The following JAK2 variants were observed in gnomAD, a reference collection of about 807,000 sequenced individuals.
The protein encoded by JAK2 is tyrosine-protein kinase JAK2.
In JAK2, 86 loss-of-function variants were observed where a neutral mutation model predicts 139.3. The observed-to-expected ratio is 0.62, with a 90% confidence interval of 0.52 to 0.74. The LOEUF (loss-of-function observed/expected upper bound fraction) is 0.74. Among genes scored for constraint, JAK2 ranks in the 30% least tolerant of loss-of-function variants. The pLI, the probability that JAK2 is intolerant of heterozygous loss-of-function variation, is 0.00. For missense variants in JAK2, 1,421 were observed against 1,360.3 expected (o/e 1.04, Z -0.70); for synonymous variants, 490 against 437.7 (o/e 1.12, Z -1.49).
chr9:5,076,789 C>T (rs1819334183), intron 14 of JAK2, among the ~76,000 whole-genome samples: 1 of 152,088 alleles, frequency 6.6e-6, no homozygotes, highest in Non-Finnish European at 1.5e-5. Flanking sequence ...GACATTTTTT[C>T]ATATCTTTGA....
At chr9:5,041,603 C>T (rs1816522853) in intron 4 of JAK2, 5 of 495,752 alleles carry the variant, frequency 1.0e-5, no homozygotes, top group Non-Finnish European at 2.0e-5. Context: ...TTGAGAAGCC[C>T]GACTGTGACT....
At chr9:5,019,237 G>A (rs1217675531) in intron 2 of JAK2, among the ~76,000 whole-genome samples, 2 of 152,040 alleles carry the variant, frequency 1.3e-5, no homozygotes, top group Non-Finnish European at 2.9e-5. Flanking sequence ...TGCAGGCTTT[G>A]TTCATTCTTT....
intron 2 of JAK2, among the ~76,000 whole-genome samples, chr9:5,010,942 C>G (rs1821663226): frequency 6.6e-6 from 1 of 152,208 alleles, no homozygotes; most frequent in Non-Finnish European, 1.5e-5. Flanking sequence ...TTCCCCCTCT[C>G]CCTACCAGTA....
Position 5,062,500 on chromosome 9 carries a change from T to TAAAAAAAAA in JAK2, c.1057-2360_1057-2352dup, listed in dbSNP as rs58424625. Among the ~76,000 whole-genome samples the TAAAAAAAAA allele has an allele frequency of 4.5e-4, 26 of 58,244 alleles. 6 individuals carry two copies. Among genetic ancestry groups the TAAAAAAAAA allele is most frequent in the African/African-American group, 2.5e-3 (24 of 9,594 alleles). 38.2% of individuals were successfully genotyped at this position (58,244 alleles called of 152,430 possible). ...AAGTTTGTCAGAAACCTTCCATTTG[T>TAAAAAAAAA]AAAAAAAAAAAAAAAAAAAAAAAAA... is the stretch of plus-strand genomic sequence containing the variant. On this transcript the variant is annotated intron_variant, in intron 8 of 24. Coordinates refer to ENST00000381652, the MANE Select transcript of JAK2 (RefSeq NM_004972.4).
chr9:5,084,640 T>C (rs1000560197), intron 19 of JAK2, among the ~76,000 whole-genome samples: 12 of 152,212 alleles, frequency 7.9e-5, no homozygotes, highest in Non-Finnish European at 1.5e-5. Context: ...TGTTTTTTGC[T>C]TTCTTCCTTT....
chr9:4,993,995 G>A (rs1820415513), intron 2 of JAK2, among the ~76,000 whole-genome samples: 1 of 152,212 alleles, frequency 6.6e-6, no homozygotes, highest in Non-Finnish European at 1.5e-5. Context: ...GTCCTGTCTA[G>A]GGTTGGTTCC....
intron 2 of JAK2, among the ~76,000 whole-genome samples, chr9:5,002,915 T>C (rs1264508099): frequency 6.6e-6 from 1 of 152,014 alleles, no homozygotes; most frequent in African/African-American, 2.4e-5. Context: ...GTGTACCGTA[T>C]GAAGTAGATA....
chr9:5,114,715 A>G (rs1313095859), intron 22 of JAK2: 1 of 383,580 alleles, frequency 2.6e-6, no homozygotes, highest in Non-Finnish European at 5.1e-6. Flanking sequence ...GCTGAATGGG[A>G]ACAGAAAAAC....
In JAK2 at chr9:5,089,525, G is replaced by A. The variant is rs191932520; in HGVS notation, c.2572-149G>A. ...TGCACTCCAACCTGGGTGACAGAGC[G>A]AGACTTCGTCTCAAAAAAAAAAAAA... On this transcript the variant is annotated intron_variant, in intron 19 of 24. Transcript: ENST00000381652. 1,145 of 350,968 alleles carry A rather than the reference G, an allele frequency of 3.3e-3. 7 individuals are homozygous for A. Among genetic ancestry groups the A allele is most frequent in the Admixed American group, 6.5e-3 (98 of 15,076 alleles). The allele number at this position is 350,968 out of a possible 1,614,324, so 21.7% of individuals were successfully genotyped here. A position where few individuals can be genotyped will look rare whatever the true frequency, so the allele number is the denominator to read the frequency against.
At chr9:5,027,588 G>C (rs1247033497) in intron 3 of JAK2, among the ~76,000 whole-genome samples, 3 of 152,156 alleles carry the variant, frequency 2.0e-5, no homozygotes, top group Admixed American at 6.5e-5. Flanking sequence ...TTTCGTGAAA[G>C]ATGTCTCTGT....
chr9:5,000,676 A>G (rs1205199260), intron 2 of JAK2, among the ~76,000 whole-genome samples: 1 of 152,254 alleles, frequency 6.6e-6, no homozygotes, highest in African/African-American at 2.4e-5. Context: ...ACATTTTTTT[A>G]GTGGAAGGTT....
rs12340770 is a variant in JAK2, at chr9:5,106,419, C to T, written c.3059+15508C>T. ...ACAACAGATGCTGGAGAAGATGTGGCGAAATAGGAACACTTTCACACTGTT... is the reference window on the plus strand; with the variant it reads ...ACAACAGATGCTGGAGAAGATGTGGTGAAATAGGAACACTTTCACACTGTT... On this transcript the variant is annotated intron_variant, in intron 22 of 24. Transcript: ENST00000381652. 1.8e-3 allele frequency among the ~76,000 whole-genome samples: 280 copies of T among 152,184 alleles called. 3 individuals are homozygous for T. The highest frequency in any genetic ancestry group is 6.4e-3 in the African/African-American group (265 of 41,526).
At chr9:5,125,551 C>T (rs1464558433) in intron 23 of JAK2, among the ~76,000 whole-genome samples, 1 of 151,428 alleles carries the variant, frequency 6.6e-6, no homozygotes, top group Non-Finnish European at 1.5e-5. Context: ...AAGTTATGAA[C>T]TATTTTAAAA....
chr9:5,079,672 G>T (rs1375696264), intron 16 of JAK2, among the ~76,000 whole-genome samples: 1 of 152,108 alleles, frequency 6.6e-6, no homozygotes, highest in Non-Finnish European at 1.5e-5. Context: ...AGGTGCAGTG[G>T]CTCATGCCTG....
At chr9:5,063,199 G>A (rs913594) in intron 8 of JAK2, among the ~76,000 whole-genome samples, 54,995 of 151,828 alleles carry the variant, frequency 0.36, 13,352 homozygotes, top group African/African-American at 0.7. Context: ...TCACATTTTC[G>A]TTCTTATATA....
chr9:5,074,246 T>G (rs1819162974), intron 14 of JAK2, among the ~76,000 whole-genome samples: 1 of 152,154 alleles, frequency 6.6e-6, no homozygotes, highest in Non-Finnish European at 1.5e-5. Flanking sequence ...CAGAAACTAC[T>G]AAAAGTATAA....
chr9:5,099,233 A>G (rs1821272508), intron 22 of JAK2: 1 of 152,246 alleles, frequency 6.6e-6, no homozygotes, highest in Non-Finnish European at 1.5e-5. Context: ...TACTATGGAC[A>G]GTGCTCAGAA....
Position 5,054,462 on chromosome 9 carries a change from C to T in JAK2, c.615-101C>T, listed in dbSNP as rs1817626217. The T allele has an allele frequency of 1.0e-6, 1 of 974,796 alleles. No homozygotes were observed. Among genetic ancestry groups the T allele is most frequent in the Admixed American group, 2.4e-5 (1 of 41,118 alleles). 60.4% of individuals were successfully genotyped at this position (974,796 alleles called of 1,614,324 possible). A position where few individuals can be genotyped will look rare whatever the true frequency, so the allele number is the denominator to read the frequency against. Reference sequence around the variant, plus strand: ...CTTGGCCACTGTGTTGTAAGGCCTACTTAATCATGGAAAAAGGTGGTAACT... The same window carrying T: ...CTTGGCCACTGTGTTGTAAGGCCTATTTAATCATGGAAAAAGGTGGTAACT... On this transcript the variant is annotated intron_variant, in intron 6 of 24. Coordinates refer to ENST00000381652, the MANE Select transcript of JAK2 (RefSeq NM_004972.4). This position sits in a 1 kb window ranked among gnomAD's most constrained non-coding sequence, Gnocchi z 4.9.
rs192050485 is a variant in JAK2 at position 5,129,669 on chromosome 9, G to A, written c.*2878G>A. 5.8e-4 allele frequency among the ~76,000 whole-genome samples: 89 copies of A among 152,162 alleles called. No individual in the cohort carries two copies. The highest frequency in any genetic ancestry group is 2.1e-3 in the African/African-American group (87 of 41,552). On this transcript the variant is annotated 3_prime_UTR_variant, in exon 25 of 25. Transcript: ENST00000381652. ...AAAGTATGAATATCAGAAATACTGT[G>A]TGTTTACTCTCAGATTTTAGTTGGT...
Sources: allele counts gnomAD v4.1 joint callset (sites outside exome capture counted in the v4.1 genomes callset), GRCh38; gene constraint gnomAD v4.1.1; non-coding constraint Gnocchi (gnomAD v3.1); transcripts MANE v1.5; gene names NCBI Gene and HGNC (gene_info 2026-07-23, HGNC 2026-07-21).